NLRP5: variants seen among roughly 807,000 people sequenced by gnomAD.
NLRP5 encodes NACHT, LRR and PYD domains-containing protein 5.
Under a neutral mutation model 113.1 loss-of-function variants are expected in NLRP5, and 93 were observed. The ratio of observed to expected loss-of-function variants is 0.82; its 90% CI spans 0.70 to 0.98. NLRP5 has a LOEUF of 0.98. Ranked by LOEUF, NLRP5 falls within the 50% of genes least tolerant of loss-of-function variation. The pLI, the probability that NLRP5 is intolerant of heterozygous loss-of-function variation, is 0.00. For synonymous variants in NLRP5, 751 were observed against 600.7 expected (o/e 1.25, Z -3.66); for missense variants, 1,808 against 1,514.3 (o/e 1.19, Z -3.22).
chr19:56,061,384 C>G lies in NLRP5; in HGVS notation c.3471-12C>G, dbSNP rs1235392518. 2 of 1,612,626 alleles carry G rather than the reference C, an allele frequency of 1.2e-6. No individual in the cohort carries two copies. The highest frequency in any genetic ancestry group is 1.7e-6 in the Non-Finnish European group (2 of 1,179,134). On this transcript the variant is annotated splice_polypyrimidine_tract_variant and intron_variant, in intron 14 of 14. Coordinates refer to ENST00000390649, the MANE Select transcript of NLRP5 (RefSeq NM_153447.4). ...AACATCTCAGTAACGAGTCCTCTCTCTGCCTCCCCAGGCTGTGGAAATGGC... is the reference window on the plus strand; with the variant it reads ...AACATCTCAGTAACGAGTCCTCTCTGTGCCTCCCCAGGCTGTGGAAATGGC...
upstream of NLRP5, among the ~76,000 whole-genome samples, chr19:55,998,577 C>A (rs1464886613): frequency 6.6e-6 from 1 of 150,758 alleles, no homozygotes; most frequent in Admixed American, 6.7e-5. Context: ...TGCTTGAACC[C>A]GGGAGGTGGA....
At chr19:56,004,810 G>A (rs1981791275) in intron 2 of NLRP5, among the ~76,000 whole-genome samples, 1 of 151,794 alleles carries the variant, frequency 6.6e-6, no homozygotes, top group African/African-American at 2.4e-5. Context: ...ATACAGGTGT[G>A]GGCTGGATGC....
chr19:56,005,375 ATATT>A (rs1169250402), intron 2 of NLRP5, among the ~76,000 whole-genome samples: 26 of 147,906 alleles, frequency 1.8e-4, no homozygotes, highest in South Asian at 1.0e-3. Context: ...ACACACATAT[ATATT>A]TATATATACA....
At chr19:56,056,987 A>G (rs1373857706) in intron 13 of NLRP5, among the ~76,000 whole-genome samples, 1 of 151,828 alleles carries the variant, frequency 6.6e-6, no homozygotes, top group Non-Finnish European at 1.5e-5. Context: ...TAAAAATACA[A>G]AAATTAGGCA....
chr19:56,011,158 A>AAATATATATATATAT (rs372922763), intron 3 of NLRP5, among the ~76,000 whole-genome samples: 163 of 145,216 alleles, frequency 1.1e-3, no homozygotes, highest in African/African-American at 4.0e-3. Flanking sequence ...GTCTTTAAAA[A>AAATATATATATATAT]ATATATATAC....
intron 8 of NLRP5, among the ~76,000 whole-genome samples, chr19:56,033,158 G>A (rs1983187739): frequency 6.6e-6 from 1 of 152,182 alleles, no homozygotes; most frequent in Admixed American, 6.5e-5. Flanking sequence ...GGCTGAGGCA[G>A]GGGAATTGCC....
intron 12 of NLRP5, among the ~76,000 whole-genome samples, chr19:56,052,958 G>A (rs1289616976): frequency 6.6e-6 from 1 of 152,248 alleles, no homozygotes; most frequent in Admixed American, 6.5e-5. Context: ...TTAGCCAGGT[G>A]TGGTGGCACA....
chr19:56,010,645 C>T (rs2123280297), intron 3 of NLRP5, among the ~76,000 whole-genome samples: 1 of 148,522 alleles, frequency 6.7e-6, no homozygotes, highest in African/African-American at 2.5e-5. Flanking sequence ...CCTAGCTACT[C>T]AAGAGGCTGA....
chr19:56,013,596 G>GGTTTTTTTT (rs1555765383), intron 3 of NLRP5, among the ~76,000 whole-genome samples: 1,676 of 59,216 alleles, frequency 0.028, 96 homozygotes, highest in South Asian at 0.058. Flanking sequence ...GGACATTTGG[G>GGTTTTTTTT]TTTTTTTTTT....
intron 12 of NLRP5, among the ~76,000 whole-genome samples, chr19:56,052,822 C>T (rs1983979972): frequency 6.6e-6 from 1 of 152,124 alleles, no homozygotes; most frequent in African/African-American, 2.4e-5. Context: ...TAACTTCTGT[C>T]CCCTTTTCTC....
upstream of NLRP5, chr19:55,999,610 C>T (rs1029038850): frequency 1.0e-5 from 8 of 797,746 alleles, no homozygotes; most frequent in East Asian, 1.8e-4. Context: ...GACCGGCTCA[C>T]TTGTTGCTTC....
intron 2 of NLRP5, 87 bp downstream of exon 2, chr19:56,004,182 A>T (rs1181320175): frequency 1.5e-6 from 2 of 1,356,452 alleles, no homozygotes; most frequent in African/African-American, 2.9e-5. Context: ...TTGTTCAGTA[A>T]CCGGCTCCAC....
chr19:55,999,660 T>C (rs981634144), upstream of NLRP5: 10 of 1,247,116 alleles, frequency 8.0e-6, no homozygotes, highest in Non-Finnish European at 1.2e-5. Context: ...GCAGGTACTC[T>C]GATTTCCAGC....
the NLRP5 span, among the ~76,000 whole-genome samples, chr19:55,987,351 C>G: frequency 6.6e-6 from 1 of 152,238 alleles, no homozygotes; most frequent in African/African-American, 2.4e-5. Flanking sequence ...GCGTGGGTGA[C>G]AGAGTGAGAC....
At chr19:56,043,197 G>A (rs1003966658) in intron 11 of NLRP5, among the ~76,000 whole-genome samples, 4 of 152,086 alleles carry the variant, frequency 2.6e-5, no homozygotes, top group Admixed American at 1.3e-4. Context: ...TTTCCATAGC[G>A]GCTGTACTAG....
rs575020639 is a variant in NLRP5 at position 56,040,803 on chromosome 19, G to T, written c.2787-119G>T. On this transcript the variant is annotated intron_variant, in intron 10 of 14. Coordinates refer to ENST00000390649, the MANE Select transcript of NLRP5 (RefSeq NM_153447.4). The stretch of plus-strand genomic sequence containing the variant: ...CAGAGAGGATGCGACTTCACCATAT[G>T]TCTGCAAGGACATGCCAACTATGGG... The T allele has an allele frequency of 2.3e-5, 18 of 787,364 alleles. No homozygotes were observed. The South Asian group carries it at 3.1e-4, about 14-fold the overall frequency. The allele number at this position is 787,364 out of a possible 1,614,324, so 48.8% of individuals were successfully genotyped here. A position where few individuals can be genotyped will look rare whatever the true frequency, so the allele number is the denominator to read the frequency against.
the NLRP5 span, among the ~76,000 whole-genome samples, chr19:55,994,500 C>A: frequency 6.6e-6 from 1 of 152,166 alleles, no homozygotes; most frequent in African/African-American, 2.4e-5. Flanking sequence ...CTAGTTCAAG[C>A]GATTCTCCTG....
intron 12 of NLRP5, among the ~76,000 whole-genome samples, chr19:56,051,034 C>T (rs994308862): frequency 2.0e-5 from 3 of 152,156 alleles, no homozygotes; most frequent in East Asian, 1.9e-4. Context: ...GAGCAAAAAT[C>T]GATCTTCAGT....
chr19:56,012,709 A>C (rs1982245801), intron 3 of NLRP5, among the ~76,000 whole-genome samples: 1 of 151,848 alleles, frequency 6.6e-6, no homozygotes, highest in Non-Finnish European at 1.5e-5. Flanking sequence ...CCAGAACCTG[A>C]TATTGTAATG....
Sources: allele counts gnomAD v4.1 joint callset (sites outside exome capture counted in the v4.1 genomes callset), GRCh38; gene constraint gnomAD v4.1.1; transcripts MANE v1.5; gene names NCBI Gene and HGNC (gene_info 2026-07-23, HGNC 2026-07-21).